Variants in ERI3 observed in about 807,000 individuals in gnomAD.
ERI3 encodes the protein ERI1 exoribonuclease 3.
In ERI3, 18 loss-of-function variants were observed where a neutral mutation model predicts 44.4. The ratio of observed to expected loss-of-function variants is 0.41; its 90% CI spans 0.28 to 0.60. The LOEUF (loss-of-function observed/expected upper bound fraction) is 0.60, where lower values mean the gene tolerates loss of function less well. Ranked by LOEUF, ERI3 falls within the 20% of genes least tolerant of loss-of-function variation. The pLI is 0.36. For missense variants in ERI3, 294 were observed against 435.5 expected, an observed-to-expected ratio of 0.68 and a Z score of 2.89; for synonymous variants, 183 against 164.8, an observed-to-expected ratio of 1.11 and a Z score of -0.84.
chr1:44,322,947 AT>A (rs1646233706), intron 3 of ERI3: 1 of 1,421,530 alleles, frequency 7.0e-7, no homozygotes, highest in Non-Finnish European at 9.3e-7. Context: ...CAACACAAAG[AT>A]TTGTGACAAT....
chr1:44,275,776 T>A (rs561858257), intron 7 of ERI3, among the ~76,000 whole-genome samples: 1 of 152,176 alleles, frequency 6.6e-6, no homozygotes, highest in Non-Finnish European at 1.5e-5. Context: ...CTGCTGGGTT[T>A]GACTGGCTGA....
chr1:44,237,692 GCTCTGCCAGGGCAGAGGC>G (rs1234663289), intron 8 of ERI3, among the ~76,000 whole-genome samples: 25 of 152,228 alleles, frequency 1.6e-4, no homozygotes, highest in African/African-American at 4.6e-4. Flanking sequence ...ACTAGGTGCA[GCTCTGCCAGGGCAGAGGC>G]CTCACTGTGC....
intron 7 of ERI3, chr1:44,257,004 AG>A (rs1292010907): frequency 2.0e-5 from 3 of 152,172 alleles, no homozygotes; most frequent in Non-Finnish European, 2.9e-5. Flanking sequence ...CCAGCTGCCC[AG>A]GGTGAGAGCT....
chr1:44,353,739 T>C, intron 1 of ERI3: 1 of 985,454 alleles, frequency 1.0e-6, no homozygotes, highest in South Asian at 4.7e-5. Flanking sequence ...AGCTAGCTGA[T>C]TATTTACAGG....
In ERI3 at chr1:44,331,843, G is replaced by C. The variant is rs575441176; in HGVS notation, c.489+7202C>G. Among the ~76,000 whole-genome samples, 7 of 152,230 alleles carry C rather than the reference G, an allele frequency of 4.6e-5. 2 individuals are homozygous for C. The highest frequency in any genetic ancestry group is 1.7e-4 in the African/African-American group (7 of 41,536). ...TCCACTTGGCCCTTTCTGGTCTCCT[G>C]AATTTCTTATAACATGAAAACTATG... On this transcript the variant is annotated intron_variant, in intron 3 of 8. Transcript: ENST00000372257.
chr1:44,300,834 C>T (rs1031160842), intron 6 of ERI3, among the ~76,000 whole-genome samples: 1 of 152,170 alleles, frequency 6.6e-6, no homozygotes, highest in Non-Finnish European at 1.5e-5. Context: ...ACTCTCAGCC[C>T]AAGGAGCTGT....
intron 7 of ERI3, among the ~76,000 whole-genome samples, chr1:44,251,933 T>C (rs1382063671): frequency 6.6e-6 from 1 of 152,254 alleles, no homozygotes; most frequent in East Asian, 1.9e-4. Context: ...TCTTGATCAG[T>C]GTGGGGCAGG....
intron 2 of ERI3, among the ~76,000 whole-genome samples, chr1:44,342,654 T>G (rs1467344981): frequency 1.6e-5 from 2 of 121,246 alleles, no homozygotes; most frequent in East Asian, 2.2e-4. Context: ...TGCCTTCTTG[T>G]TTTTTTTTTG....
At chr1:44,246,215 G>T (rs575490412) in intron 8 of ERI3, among the ~76,000 whole-genome samples, 1 of 152,254 alleles carries the variant, frequency 6.6e-6, no homozygotes, top group South Asian at 2.1e-4. Context: ...GCTTCTTGTA[G>T]GTGTCTGAAC....
At chr1:44,293,094 G>A (rs1645541979) in intron 6 of ERI3, among the ~76,000 whole-genome samples, 1 of 152,228 alleles carries the variant, frequency 6.6e-6, no homozygotes, top group Admixed American at 6.5e-5. Flanking sequence ...GCTGGGGGCT[G>A]GAGGGTTTTC....
chr1:44,342,359 G>C (rs562375139), intron 2 of ERI3, among the ~76,000 whole-genome samples: 1 of 152,246 alleles, frequency 6.6e-6, no homozygotes, highest in East Asian at 1.9e-4. Flanking sequence ...GCTACCTACA[G>C]AGGAACTGAT....
At chr1:44,247,807 C>A in intron 8 of ERI3, 132 bp downstream of exon 8, 1 of 605,122 alleles carries the variant, frequency 1.7e-6, no homozygotes, top group Non-Finnish European at 2.8e-6. Context: ...CTTCCACCAT[C>A]CCCCCACCTA....
At chr1:44,336,636 CTGAT>C (rs1646541466) in intron 3 of ERI3, among the ~76,000 whole-genome samples, 1 of 152,206 alleles carries the variant, frequency 6.6e-6, no homozygotes, top group Admixed American at 6.5e-5. Context: ...TAGCTGTTTG[CTGAT>C]TGATTATCTG....
chr1:44,350,477 G>C (rs1431619176), intron 2 of ERI3, among the ~76,000 whole-genome samples: 3 of 152,084 alleles, frequency 2.0e-5, no homozygotes, highest in Non-Finnish European at 4.4e-5. Context: ...GGCCAGGCTG[G>C]TCTCAAACTC....
chr1:44,339,085 T>C lies in ERI3; in HGVS notation c.449A>G (p.Asp150Gly). ...TGGCTTGTCGCACGTGGCCTCAAAGTCCAGCACTAAAAAGTAGTGATACCT... is the reference window on the plus strand; with the variant it reads ...TGGCTTGTCGCACGTGGCCTCAAAGCCCAGCACTAAAAAGTAGTGATACCT... ...PQRYHYFLVL[D>G]FEATCDKPQI... is the part of the protein sequence containing the mutation. Residue 150 changes from aspartate (D) to glycine (G), a missense_variant, in exon 3 of 9, where the codon GAC becomes GGC. By Grantham distance (94) the Asp-to-Gly change is moderately conservative (BLOSUM62 -1). Transcript: ENST00000372257. 6.2e-7 allele frequency: 1 copy of C among 1,613,754 alleles called. No homozygotes were observed. The highest frequency in any genetic ancestry group is 8.5e-7 in the Non-Finnish European group (1 of 1,179,938).
intron 3 of ERI3, among the ~76,000 whole-genome samples, chr1:44,336,940 G>C (rs1572320461): frequency 6.6e-6 from 1 of 152,268 alleles, no homozygotes; most frequent in South Asian, 2.1e-4. Flanking sequence ...GGAAGGTCTT[G>C]GTGCCTAAGT....
intron 8 of ERI3, among the ~76,000 whole-genome samples, chr1:44,222,373 C>T (rs966963205): frequency 1.3e-5 from 2 of 152,248 alleles, no homozygotes; most frequent in African/African-American, 4.8e-5. Flanking sequence ...CGGCGGAAGC[C>T]CTGCTTCTGT....
intron 3 of ERI3, among the ~76,000 whole-genome samples, chr1:44,326,395 T>C (rs1339013875): frequency 6.6e-6 from 1 of 152,108 alleles, no homozygotes; most frequent in Non-Finnish European, 1.5e-5. Flanking sequence ...TGGTTTGCAA[T>C]AACAGTTTCT....
At position 44,354,596 on chromosome 1, in the gene ERI3, G is replaced by A. The variant is rs957944093; in HGVS notation, c.135+296C>T. On this transcript the variant is annotated intron_variant, in intron 1 of 8. Transcript: ENST00000372257. ...TGTGTGGGCATGTGTTGGCGAGAGG[G>A]TCAAGGGAATGTTCTACCCACAATC... is the stretch of plus-strand genomic sequence containing the variant. 1.4e-5 allele frequency: 14 copies of A among 985,236 alleles called. No individual in the cohort carries two copies. The Admixed American group carries it at 1.8e-4, about 13-fold the overall frequency. The allele number at this position is 985,236 out of a possible 1,614,324, so 61.0% of individuals were successfully genotyped here. A position where few individuals can be genotyped will look rare whatever the true frequency, so the allele number is the denominator to read the frequency against.
Sources: gnomAD v4.1 joint callset for allele counts (sites outside exome capture counted in the v4.1 genomes callset) on GRCh38, gnomAD v4.1.1 for gene constraint, MANE v1.5 for transcripts, NCBI Gene and HGNC (gene_info 2026-07-23, HGNC 2026-07-21) for gene names.